The following MEIS2 variants were observed in gnomAD, a reference collection of about 807,000 sequenced individuals.
The protein encoded by MEIS2 is Meis homeobox 2, also known as homeobox protein Meis2.
A neutral mutation model predicts 58.6 loss-of-function variants in MEIS2; 9 were observed. That is an observed-to-expected ratio of 0.15 (90% CI 0.09 to 0.27). The LOEUF is 0.27. Ranked by LOEUF, MEIS2 falls within the 10% of genes least tolerant of loss-of-function variation. The probability of loss-of-function intolerance (pLI) is 1.00; values close to 1 mark genes in which losing one functional copy is unlikely to be tolerated. For missense variants in MEIS2, 427 were observed against 635.0 expected (o/e 0.67, Z 3.52); for synonymous variants, 221 against 228.4 (o/e 0.97, Z 0.29).
At chr15:36,991,783 C>CTTTTTTTTTTTTTTTTTTTT (rs11285545) in intron 8 of MEIS2, among the ~76,000 whole-genome samples, 3 of 51,036 alleles carry the variant, frequency 5.9e-5, no homozygotes, top group African/African-American at 7.6e-5. Context: ...TTTTTTTTTT[C>CTTTTTTTTTTTTTTTTTTTT]TTTTTTTTTT....
chr15:37,027,765 T>C (rs1022779296), intron 8 of MEIS2, among the ~76,000 whole-genome samples: 1 of 152,206 alleles, frequency 6.6e-6, no homozygotes, highest in Non-Finnish European at 1.5e-5. Flanking sequence ...TTCCTTTTTT[T>C]TTTAAGTAGA....
At chr15:37,061,335 G>A (rs1222322358) in intron 7 of MEIS2, among the ~76,000 whole-genome samples, 1 of 152,206 alleles carries the variant, frequency 6.6e-6, no homozygotes, top group Non-Finnish European at 1.5e-5. Context: ...CTAAGAGAAG[G>A]TCATCGAGGC....
intron 9 of MEIS2, among the ~76,000 whole-genome samples, chr15:36,945,646 G>T (rs560120099): frequency 6.6e-6 from 1 of 152,110 alleles, no homozygotes; most frequent in African/African-American, 2.4e-5. Flanking sequence ...AAGCAAAACT[G>T]CCACTTTCCA....
chr15:36,901,335 T>C (rs749445958), intron 9 of MEIS2, among the ~76,000 whole-genome samples: 85 of 152,328 alleles, frequency 5.6e-4, no homozygotes, highest in Admixed American at 1.6e-3. Flanking sequence ...AAGCAAGTAT[T>C]TCTCTGTGCT....
At chr15:37,029,839 C>G (rs76049863) in intron 8 of MEIS2, among the ~76,000 whole-genome samples, 1 of 152,060 alleles carries the variant, frequency 6.6e-6, no homozygotes, top group Non-Finnish European at 1.5e-5. Flanking sequence ...CTAAGGCTTC[C>G]AAGTTCACAG....
chr15:36,965,093 TA>T (rs1314777067), intron 8 of MEIS2, among the ~76,000 whole-genome samples: 1 of 152,196 alleles, frequency 6.6e-6, no homozygotes, highest in African/African-American at 2.4e-5. Context: ...TGCAAGAACT[TA>T]AGCTTCGAGT....
chr15:37,007,608 A>T (rs2060969681), intron 8 of MEIS2, among the ~76,000 whole-genome samples: 1 of 152,306 alleles, frequency 6.6e-6, no homozygotes, highest in African/African-American at 2.4e-5. Context: ...CTATCCTTTA[A>T]GCCAGTTTGT....
At chr15:37,083,134 T>C (rs948232051) in intron 7 of MEIS2, among the ~76,000 whole-genome samples, 1 of 152,190 alleles carries the variant, frequency 6.6e-6, no homozygotes, top group Admixed American at 6.5e-5. Flanking sequence ...GTAAAATTTA[T>C]TCTAAATTGC....
chr15:37,022,855 C>T (rs2061571736), intron 8 of MEIS2, among the ~76,000 whole-genome samples: 1 of 151,628 alleles, frequency 6.6e-6, no homozygotes, highest in South Asian at 2.1e-4. Flanking sequence ...CGGGGTTTCA[C>T]CATCTTGGCC....
At chr15:36,995,224 G>C (rs936604145) in intron 8 of MEIS2, among the ~76,000 whole-genome samples, 1 of 151,978 alleles carries the variant, frequency 6.6e-6, no homozygotes, top group South Asian at 2.1e-4. Flanking sequence ...ATTATCTGGC[G>C]GTTTTATGTA....
intron 9 of MEIS2, 36 bp downstream of exon 9, chr15:36,950,288 C>T: frequency 6.6e-7 from 1 of 1,505,274 alleles, no homozygotes; most frequent in Non-Finnish European, 9.1e-7. Context: ...CTCATTTTAG[C>T]CATGGGAGAA....
chr15:36,965,684 G>A (rs2059330210), intron 8 of MEIS2, among the ~76,000 whole-genome samples: 1 of 152,276 alleles, frequency 6.6e-6, no homozygotes, highest in Non-Finnish European at 1.5e-5. Context: ...GAAACAATTA[G>A]GAAAATTTCA....
At chr15:36,960,934 A>C (rs773348862) in intron 8 of MEIS2, among the ~76,000 whole-genome samples, 1 of 152,128 alleles carries the variant, frequency 6.6e-6, no homozygotes, top group Non-Finnish European at 1.5e-5. Context: ...ATAATAAGAA[A>C]GCTCTTACCC....
chr15:37,097,572 T>TA (rs993396644), intron 2 of MEIS2, among the ~76,000 whole-genome samples: 1 of 152,030 alleles, frequency 6.6e-6, no homozygotes, highest in African/African-American at 2.4e-5. Flanking sequence ...AAGTAAAAAA[T>TA]AAAAAAACCC....
At chr15:36,918,041 G>A (rs1253805595) in intron 9 of MEIS2, among the ~76,000 whole-genome samples, 1 of 152,102 alleles carries the variant, frequency 6.6e-6, no homozygotes, top group African/African-American at 2.4e-5. Context: ...TATTTATTCA[G>A]TGTCTGCTGC....
At chr15:37,016,727 A>G (rs1348975615) in intron 8 of MEIS2, among the ~76,000 whole-genome samples, 2 of 152,208 alleles carry the variant, frequency 1.3e-5, no homozygotes, top group Non-Finnish European at 2.9e-5. Flanking sequence ...AAACAGCTAC[A>G]CATTAATTTA....
At position 36,892,214 on chromosome 15, in the gene MEIS2, G is replaced by C; in HGVS notation, c.1393C>G (p.Pro465Ala). Residue 465 changes from proline (P) to alanine (A), a missense_variant, in exon 12 of 12, where the codon CCC becomes GCC. This residue lies in a region of MEIS2 where 154 missense variants were observed against 148.1 expected (regional missense o/e 1.04). Transcript: ENST00000561208. ...TCCATAACCTGTCCGCCAACATTGG[G>C]ATCTACAGAATTTAACATTGTGGGG... ...QSPTMLNSVD[P>A]NVGGQVMDIH... The C allele has an allele frequency of 6.2e-7, 1 of 1,614,146 alleles. No homozygotes were observed. The highest frequency in any genetic ancestry group is 8.5e-7 in the Non-Finnish European group (1 of 1,180,040).
chr15:37,064,167 A>C (rs767579894), intron 7 of MEIS2, among the ~76,000 whole-genome samples: 2 of 152,184 alleles, frequency 1.3e-5, no homozygotes, highest in Non-Finnish European at 2.9e-5. Context: ...TTAAGATATC[A>C]AAAGAGAGAA....
chr15:36,981,811 C>A (rs1228501782), intron 8 of MEIS2, among the ~76,000 whole-genome samples: 2 of 152,074 alleles, frequency 1.3e-5, no homozygotes, highest in African/African-American at 4.8e-5. Context: ...CTGTTGAGGG[C>A]CCTGACAGAA....
Sources: gnomAD v4.1 joint callset for allele counts (sites outside exome capture counted in the v4.1 genomes callset) on GRCh38, gnomAD v4.1.1 for gene constraint, gnomAD v4.1.1 regional missense constraint, MANE v1.5 for transcripts, NCBI Gene and HGNC (gene_info 2026-07-23, HGNC 2026-07-21) for gene names.